The following PON2 variants were observed in gnomAD, a reference collection of about 807,000 sequenced individuals.
PON2 encodes paraoxonase 2, also known as serum paraoxonase/arylesterase 2.
In PON2, 27 loss-of-function variants were observed where a neutral mutation model predicts 36.6. That is an observed-to-expected ratio of 0.74 (90% CI 0.54 to 1.02). The LOEUF is 1.02. Ranked by LOEUF, PON2 falls within the 50% of genes least tolerant of loss-of-function variation. The pLI is 0.00. For missense variants in PON2, 363 were observed against 421.1 expected (o/e 0.86, Z 1.21); for synonymous variants, 149 against 156.3 (o/e 0.95, Z 0.35).
At chr7:95,422,381 A>G (rs1451587046) in intron 2 of PON2, among the ~76,000 whole-genome samples, 3 of 152,204 alleles carry the variant, frequency 2.0e-5, no homozygotes, top group African/African-American at 7.2e-5. Flanking sequence ...GGTGATGAAG[A>G]GTTTGATGAG....
Position 95,410,113 on chromosome 7 carries a change from A to T in PON2, c.495-12T>A. On this transcript the variant is annotated splice_polypyrimidine_tract_variant and intron_variant, in intron 5 of 8. Transcript: ENST00000222572. ...TGATGTCATTCACACTGAAAAAGAA[A>T]AATAGCATGTGAGAGGAAACAAAAG... The T allele has an allele frequency of 6.2e-7, 1 of 1,609,306 alleles. No homozygotes were observed. Among genetic ancestry groups the T allele is most frequent in the Admixed American group, 1.7e-5 (1 of 59,950 alleles).
rs1285449822 is a variant in PON2, at chr7:95,425,730, C to T, written c.75-1145G>A. Reference sequence around the variant, plus strand: ...AATGACTCATAGGTTGTACCAACTACACATTTTGGCAATTCATATCAGACA... The same window carrying T: ...AATGACTCATAGGTTGTACCAACTATACATTTTGGCAATTCATATCAGACA... On this transcript the variant is annotated intron_variant, in intron 1 of 8. Transcript: ENST00000222572. 2.6e-5 allele frequency among the ~76,000 whole-genome samples: 4 copies of T among 152,132 alleles called. No individual in the cohort carries two copies. In the East Asian group the frequency reaches 7.7e-4, roughly 29 times the overall value.
intron 1 of PON2, among the ~76,000 whole-genome samples, chr7:95,433,055 T>C (rs1789479209): frequency 6.6e-6 from 1 of 152,190 alleles, no homozygotes; most frequent in South Asian, 2.1e-4. Flanking sequence ...GGAATGTTTT[T>C]AAAAATAAAA....
At chr7:95,427,874 G>C (rs2116502977) in intron 1 of PON2, among the ~76,000 whole-genome samples, 1 of 152,266 alleles carries the variant, frequency 6.6e-6, no homozygotes, top group East Asian at 1.9e-4. Context: ...TTTTGGATTA[G>C]ATTAATAAAT....
chr7:95,434,291 G>T (rs1789510785), intron 1 of PON2: 1 of 152,308 alleles, frequency 6.6e-6, no homozygotes, highest in African/African-American at 2.4e-5. Flanking sequence ...AATGCGAGAT[G>T]GAATAGTGTC....
In PON2 at chr7:95,405,190, G is replaced by C. The variant is rs1245640380; in HGVS notation, c.*140C>G. The C allele has an allele frequency of 2.3e-6, 2 of 879,522 alleles. No homozygotes were observed. The highest frequency in any genetic ancestry group is 3.4e-5 in the African/African-American group (2 of 59,220). The allele number at this position is 879,522 out of a possible 1,614,324, so 54.5% of individuals were successfully genotyped here. A position where few individuals can be genotyped will look rare whatever the true frequency, so the allele number is the denominator to read the frequency against. On this transcript the variant is annotated 3_prime_UTR_variant, in exon 9 of 9. Coordinates refer to ENST00000222572, the MANE Select transcript of PON2 (RefSeq NM_000305.3). Reference sequence around the variant, plus strand: ...GTTAAAAGTGCTCTAAGAACTAAAAGGGCCGTTCCTTACTGGAATAAAATT... The same window carrying C: ...GTTAAAAGTGCTCTAAGAACTAAAACGGCCGTTCCTTACTGGAATAAAATT...
At chr7:95,424,645 T>G in intron 1 of PON2, 60 bp from the exon 2 acceptor site, 1 of 1,392,872 alleles carries the variant, frequency 7.2e-7, no homozygotes, top group South Asian at 1.2e-5. Flanking sequence ...TTCCCTGCTT[T>G]GTTTTAGAAA....
chr7:95,417,231 T>C (rs1185997582), intron 2 of PON2, among the ~76,000 whole-genome samples: 3 of 152,200 alleles, frequency 2.0e-5, no homozygotes, highest in Non-Finnish European at 4.4e-5. Context: ...TTGGTCTTGC[T>C]TCATGAGTTT....
At chr7:95,427,334 C>T (rs1789338991) in intron 1 of PON2, among the ~76,000 whole-genome samples, 1 of 152,120 alleles carries the variant, frequency 6.6e-6, no homozygotes, top group Non-Finnish European at 1.5e-5. Context: ...ACGCCATGCC[C>T]AACCCCCTTT....
Position 95,424,581 on chromosome 7 carries a change from G to A in PON2, c.79C>T (p.Arg27Ter), listed in dbSNP as rs1156482000. Residue 27 changes from arginine (R) to a stop codon, truncating the protein, a stop_gained, in exon 2 of 9, where the codon CGA (arginine) becomes TGA (stop). Coordinates refer to ENST00000222572, the MANE Select transcript of PON2 (RefSeq NM_000305.3). LOFTEE classifies it high-confidence loss of function. ...LGERLLALRN[R>*]LKASREVESV... ...TCTACTTCTCTGGAGGCTTTAAGTC[G>A]ATTTCTGTTACAAAGAAAAAAAAAC... 14 of 1,611,044 alleles carry A rather than the reference G, an allele frequency of 8.7e-6. 1 individual carries two copies. Among genetic ancestry groups the A allele is most frequent in the East Asian group, 2.2e-5 (1 of 44,826 alleles).
At chr7:95,411,832 TG>T in intron 4 of PON2, 53 bp from the exon 5 acceptor site, 1 of 1,592,938 alleles carries the variant, frequency 6.3e-7, no homozygotes, top group Non-Finnish European at 8.6e-7. Context: ...ACGGGACCTC[TG>T]GGCAGGCACT....
intron 2 of PON2, among the ~76,000 whole-genome samples, chr7:95,421,203 C>T (rs909283535): frequency 8.5e-5 from 13 of 152,142 alleles, no homozygotes; most frequent in African/African-American, 2.2e-4. Context: ...TAGACAGATG[C>T]CTGTTCAGAA....
At chr7:95,408,250 TAGAC>T (rs1337547943) in intron 6 of PON2, among the ~76,000 whole-genome samples, 8 of 152,040 alleles carry the variant, frequency 5.3e-5, no homozygotes, top group African/African-American at 1.7e-4. Context: ...CTAATAGAGA[TAGAC>T]AGACAAAATT....
chr7:95,424,657 G>A (rs1330288960), intron 1 of PON2, 72 bp from the exon 2 acceptor site: 8 of 1,167,620 alleles, frequency 6.9e-6, no homozygotes, highest in Non-Finnish European at 1.0e-5. Context: ...TTTTAGAAAG[G>A]GTTTAAAGAG....
rs78125375 is a variant in PON2, at chr7:95,420,137, G to C, written c.146-3840C>G. On this transcript the variant is annotated intron_variant, in intron 2 of 8. Transcript: ENST00000222572. ...AGAAAAGACATATCTATATCTCACA[G>C]TGGTTTTTTGTTTTGTTTTGTTTTC... Among the ~76,000 whole-genome samples the C allele has an allele frequency of 5.4e-3, 829 of 152,238 alleles. 13 individuals carry two copies. Among genetic ancestry groups the C allele is most frequent in the African/African-American group, 0.019 (791 of 41,542 alleles).
At chr7:95,417,686 C>CACAG (rs1260902433) in intron 2 of PON2, among the ~76,000 whole-genome samples, 2 of 140,180 alleles carry the variant, frequency 1.4e-5, no homozygotes, top group African/African-American at 5.8e-5. Context: ...CACATGTACA[C>CACAG]ACAGACACAC....
At chr7:95,420,030 T>C (rs946575544) in intron 2 of PON2, among the ~76,000 whole-genome samples, 1 of 152,244 alleles carries the variant, frequency 6.6e-6, no homozygotes. Context: ...TTAGTCACCC[T>C]GGGAAAAGAC....
chr7:95,412,346 G>C lies in PON2; in HGVS notation c.333C>G (p.Phe111Leu). The C allele has an allele frequency of 1.2e-6, 2 of 1,614,136 alleles. No homozygotes were observed. The highest frequency in any genetic ancestry group is 1.7e-6 in the Non-Finnish European group (2 of 1,180,020). The change falls in exon 4 of 9, where the codon TTC (phenylalanine) becomes TTG (leucine). Residue 111 changes from phenylalanine to leucine, a missense_variant. Coordinates refer to ENST00000222572, the MANE Select transcript of PON2 (RefSeq NM_000305.3). Reference protein sequence around the residue: ...RISRGFDLASFNPHGISTFID... With the variant: ...RISRGFDLASLNPHGISTFID... The stretch of plus-strand genomic sequence containing the variant: ...TGAAAGTGCTGATGCCATGTGGATT[G>C]AATGAGGCCAAATCAAACCCACGAC...
intron 6 of PON2, among the ~76,000 whole-genome samples, chr7:95,407,533 G>C (rs978783960): frequency 6.6e-6 from 1 of 152,142 alleles, no homozygotes; most frequent in Non-Finnish European, 1.5e-5. Context: ...AAGAGTAAGA[G>C]ATAAGTATCA....
Sources: allele counts gnomAD v4.1 joint callset (sites outside exome capture counted in the v4.1 genomes callset), GRCh38; gene constraint gnomAD v4.1.1; transcripts MANE v1.5; gene names NCBI Gene and HGNC (gene_info 2026-07-23, HGNC 2026-07-21).